Variants in NEK10 observed in about 807,000 individuals in gnomAD.
NEK10 encodes the protein serine/threonine-protein kinase Nek10.
NEK10 carries 122 observed loss-of-function variants against 159.8 expected under a neutral mutation model. That is an observed-to-expected ratio of 0.76 (90% CI 0.66 to 0.89). The LOEUF (loss-of-function observed/expected upper bound fraction) is 0.89. NEK10 is among the 40% of genes least tolerant of loss of function. The probability of loss-of-function intolerance (pLI) is 0.00; values close to 1 mark genes in which losing one functional copy is unlikely to be tolerated. For synonymous variants in NEK10, 466 were observed against 457.1 expected, an observed-to-expected ratio of 1.02 and a Z score of -0.25; for missense variants, 1,342 against 1,323.1, an observed-to-expected ratio of 1.01 and a Z score of -0.22.
chr3:27,265,595 T>C (rs111419064), intron 22 of NEK10: 67 of 152,322 alleles, frequency 4.4e-4, no homozygotes, highest in African/African-American at 1.5e-3. Context: ...AATGGACCAC[T>C]TCATGCATTT....
chr3:27,180,916 T>C (rs1433261368), intron 26 of NEK10, among the ~76,000 whole-genome samples: 2 of 152,102 alleles, frequency 1.3e-5, no homozygotes, highest in East Asian at 1.9e-4. Flanking sequence ...AGAACTCATA[T>C]TACTCAAGTG....
At chr3:27,362,185 C>T (rs2149883395) in intron 1 of NEK10, among the ~76,000 whole-genome samples, 1 of 152,226 alleles carries the variant, frequency 6.6e-6, no homozygotes, top group South Asian at 2.1e-4. Flanking sequence ...AACAACGGGC[C>T]TGGCCAGTGA....
intron 30 of NEK10, among the ~76,000 whole-genome samples, chr3:27,149,987 T>C (rs1944671851): frequency 1.3e-5 from 2 of 152,174 alleles, no homozygotes; most frequent in Middle Eastern, 3.4e-3. Flanking sequence ...TAGAGAAAGA[T>C]TTAGAAGATA....
At chr3:27,163,413 G>A (rs112775990) in intron 29 of NEK10, among the ~76,000 whole-genome samples, 2,433 of 151,658 alleles carry the variant, frequency 0.016, 68 homozygotes, top group African/African-American at 0.056. Flanking sequence ...GTGCAGTGAC[G>A]CGATCTCAGC....
chr3:27,136,489 T>G (rs1943233056), intron 31 of NEK10, among the ~76,000 whole-genome samples: 1 of 152,110 alleles, frequency 6.6e-6, no homozygotes, highest in African/African-American at 2.4e-5. Context: ...TAAATGTAAG[T>G]ATAAAGTTAA....
intron 23 of NEK10, among the ~76,000 whole-genome samples, chr3:27,231,045 C>A (rs958550471): frequency 5.3e-5 from 8 of 152,010 alleles, no homozygotes; most frequent in Non-Finnish European, 8.8e-5. Context: ...CTCTTCCCAA[C>A]AACTGCAGAA....
intron 13 of NEK10, among the ~76,000 whole-genome samples, chr3:27,297,819 C>T (rs2043471222): frequency 6.6e-6 from 1 of 152,214 alleles, no homozygotes; most frequent in African/African-American, 2.4e-5. Flanking sequence ...CTGACAGCCA[C>T]TGTGGCAGCC....
intron 23 of NEK10, among the ~76,000 whole-genome samples, chr3:27,239,348 C>G (rs1954299445): frequency 6.6e-6 from 1 of 152,074 alleles, no homozygotes; most frequent in South Asian, 2.1e-4. Flanking sequence ...AACTAATTTA[C>G]TTTCAAAATT....
intron 23 of NEK10, among the ~76,000 whole-genome samples, chr3:27,220,033 A>C (rs1329982787): frequency 2.0e-5 from 3 of 152,264 alleles, no homozygotes; most frequent in Non-Finnish European, 4.4e-5. Flanking sequence ...TGACTTGTAC[A>C]CTAAAAAGAG....
At position 27,364,289 on chromosome 3, in the gene NEK10, T is replaced by C. The variant is rs539346957; in HGVS notation, c.-38+4936A>G. Reference sequence around the variant, plus strand: ...TCCCAGGTTCAAGCGATAGCGATTCTCCTGCCTCAGCCTCCCAAGTGGCTG... The same window carrying C: ...TCCCAGGTTCAAGCGATAGCGATTCCCCTGCCTCAGCCTCCCAAGTGGCTG... On this transcript the variant is annotated intron_variant, in intron 1 of 35. Transcript: ENST00000691995. Among the ~76,000 whole-genome samples, 53 of 151,610 alleles carry C rather than the reference T, an allele frequency of 3.5e-4. 1 individual carries two copies. The highest frequency in any genetic ancestry group is 1.4e-3 in the Admixed American group (21 of 15,186).
At chr3:27,195,806 C>T (rs1199423665) in intron 25 of NEK10, among the ~76,000 whole-genome samples, 2 of 152,160 alleles carry the variant, frequency 1.3e-5, no homozygotes, top group Non-Finnish European at 2.9e-5. Context: ...CCCCCTTTAC[C>T]ATTTTTCATC....
chr3:27,248,828 T>C (rs535319174), intron 23 of NEK10, among the ~76,000 whole-genome samples: 1 of 152,332 alleles, frequency 6.6e-6, no homozygotes, highest in East Asian at 1.9e-4. Flanking sequence ...GTATATTCTG[T>C]AGCCATTGGA....
intron 23 of NEK10, among the ~76,000 whole-genome samples, chr3:27,230,687 CA>C (rs1221750047): frequency 6.6e-6 from 1 of 151,632 alleles, no homozygotes; most frequent in Non-Finnish European, 1.5e-5. Flanking sequence ...ATAATCCATG[CA>C]AAAAGAAATG....
At chr3:27,239,577 C>A (rs542659684) in intron 23 of NEK10, among the ~76,000 whole-genome samples, 4 of 152,314 alleles carry the variant, frequency 2.6e-5, no homozygotes, top group African/African-American at 7.2e-5. Flanking sequence ...ACTAAAATCA[C>A]ATTTTATAAG....
chr3:27,254,918 T>TACACACACAC (rs3035705), intron 23 of NEK10, among the ~76,000 whole-genome samples: 2,111 of 141,860 alleles, frequency 0.015, 50 homozygotes, highest in African/African-American at 0.051. Context: ...CTCTTTCTCT[T>TACACACACAC]ACACACACAC....
At chr3:27,313,842 G>A (rs554440353) in intron 7 of NEK10, among the ~76,000 whole-genome samples, 1 of 152,220 alleles carries the variant, frequency 6.6e-6, no homozygotes, top group Admixed American at 6.5e-5. Flanking sequence ...CTCCCGAGTA[G>A]CTGGGATTAT....
At chr3:27,159,794 A>G (rs1945836615) in intron 30 of NEK10, among the ~76,000 whole-genome samples, 3 of 151,958 alleles carry the variant, frequency 2.0e-5, no homozygotes, top group African/African-American at 7.2e-5. Context: ...TTACCATGAC[A>G]TGAACCTAGA....
chr3:27,238,304 TTG>T (rs1954168277), intron 23 of NEK10, among the ~76,000 whole-genome samples: 1 of 152,280 alleles, frequency 6.6e-6, no homozygotes, highest in East Asian at 1.9e-4. Flanking sequence ...GTATGTGTGT[TTG>T]TGTGTTCACA....
At chr3:27,316,503 A>C (rs2045193202) in intron 6 of NEK10, among the ~76,000 whole-genome samples, 1 of 152,180 alleles carries the variant, frequency 6.6e-6, no homozygotes. Flanking sequence ...GGTGAAAAAA[A>C]TACAACAGGC....
Sources: allele counts gnomAD v4.1 joint callset (sites outside exome capture counted in the v4.1 genomes callset), GRCh38; gene constraint gnomAD v4.1.1; transcripts MANE v1.5; gene names NCBI Gene and HGNC (gene_info 2026-07-23, HGNC 2026-07-21).